RBFOX1: variants seen among roughly 807,000 people sequenced by gnomAD.
RBFOX1 encodes RNA binding fox-1 homolog 1.
Under a neutral mutation model 57.7 loss-of-function variants are expected in RBFOX1, and 8 were observed. The observed-to-expected ratio is 0.14, with a 90% CI of 0.08 to 0.25. RBFOX1 has a LOEUF of 0.25. Ranked by LOEUF, RBFOX1 falls within the 10% of genes least tolerant of loss-of-function variation. The probability of loss-of-function intolerance (pLI) is 1.00; values close to 1 mark genes in which losing one functional copy is unlikely to be tolerated. For synonymous variants in RBFOX1, 326 were observed against 222.4 expected (o/e 1.47, Z -4.15); for missense variants, 611 against 548.5 (o/e 1.11, Z -1.14).
intron 3 of RBFOX1, chr16:7,004,130 T>G (rs1302229145): frequency 2.0e-5 from 3 of 152,094 alleles, no homozygotes; most frequent in Non-Finnish European, 2.9e-5. Context: ...CAGTTTTGTT[T>G]TGTACTTAAT....
chr16:5,752,404 C>T (rs1694969920), intron 3 of RBFOX1, among the ~76,000 whole-genome samples: 1 of 152,182 alleles, frequency 6.6e-6, no homozygotes, highest in South Asian at 2.1e-4. Flanking sequence ...ATATAACAAA[C>T]CTGCACATGT....
chr16:7,307,913 G>C (rs1455880918), intron 4 of RBFOX1, among the ~76,000 whole-genome samples: 4 of 152,304 alleles, frequency 2.6e-5, no homozygotes, highest in African/African-American at 9.6e-5. Context: ...TGTCTTCTTT[G>C]ATGGTGAATC....
At chr16:6,709,713 T>C (rs905668843) in intron 3 of RBFOX1, among the ~76,000 whole-genome samples, 1 of 152,084 alleles carries the variant, frequency 6.6e-6, no homozygotes, top group Non-Finnish European at 1.5e-5. Context: ...TGTTGCGGGT[T>C]TCGGTGGAAC....
At chr16:7,378,778 A>G (rs1040676962) in intron 4 of RBFOX1, among the ~76,000 whole-genome samples, 2 of 152,114 alleles carry the variant, frequency 1.3e-5, no homozygotes, top group African/African-American at 4.8e-5. Flanking sequence ...GAACACGGAC[A>G]CTCTTGGGCA....
chr16:6,635,634 A>G (rs953467399), intron 2 of RBFOX1, among the ~76,000 whole-genome samples: 1 of 152,192 alleles, frequency 6.6e-6, no homozygotes, highest in South Asian at 2.1e-4. Context: ...TCTAGGAAGG[A>G]AGGTGGCATA....
At chr16:7,639,111 G>C (rs578179245) in intron 11 of RBFOX1, among the ~76,000 whole-genome samples, 253 of 152,182 alleles carry the variant, frequency 1.7e-3, no homozygotes, top group Middle Eastern at 3.4e-3. Context: ...ACAGGAATTG[G>C]GTGGTTAGTT....
At chr16:7,709,854 C>T in intron 15 of RBFOX1, 1 of 1,200,440 alleles carries the variant, frequency 8.3e-7, no homozygotes. Context: ...GTAAGACGTG[C>T]CCATCACGTG....
chr16:6,082,347 A>ATTTTTTTTTTTT (rs71142677), intron 1 of RBFOX1, among the ~76,000 whole-genome samples: 3 of 41,038 alleles, frequency 7.3e-5, no homozygotes, highest in Non-Finnish European at 1.4e-4. Flanking sequence ...CACCTGGCTA[A>ATTTTTTTTTTTT]TTTTTTTTTT....
rs1363548303 is a variant in RBFOX1, at chr16:7,580,549, G to A, written c.414+629G>A. On this transcript the variant is annotated intron_variant, in intron 6 of 15. Coordinates refer to ENST00000550418, the MANE Select transcript of RBFOX1 (RefSeq NM_018723.4). ...AAAGGATTCAGAGGTACTTACTGTG[G>A]TGCTATATGCCATGAAGTGTAGCCT... Among the ~76,000 whole-genome samples, 3 of 152,260 alleles carry A rather than the reference G, an allele frequency of 2.0e-5. No individual in the cohort carries two copies. The East Asian group carries it at 5.8e-4, about 29-fold the overall frequency.
chr16:6,600,482 CAG>C (rs780910829), intron 2 of RBFOX1, among the ~76,000 whole-genome samples: 1 of 152,188 alleles, frequency 6.6e-6, no homozygotes, highest in Non-Finnish European at 1.5e-5. Context: ...AACCAGATAG[CAG>C]AGTCTCCAAA....
Position 6,211,878 on chromosome 16 carries a change from C to T in RBFOX1, c.-126-105117C>T, listed in dbSNP as rs1431671197. Reference sequence around the variant, plus strand: ...TTTATTTATTTATTTTTAACAGAGTCTCGCTCTGTCACTCAGGCTGGAGTG... The same window carrying T: ...TTTATTTATTTATTTTTAACAGAGTTTCGCTCTGTCACTCAGGCTGGAGTG... On this transcript the variant is annotated intron_variant, in intron 1 of 15. Coordinates refer to ENST00000550418, the MANE Select transcript of RBFOX1 (RefSeq NM_018723.4). Among the ~76,000 whole-genome samples the T allele has an allele frequency of 3.3e-5, 5 of 149,952 alleles. No individual in the cohort carries two copies. The East Asian group carries it at 9.8e-4, about 29-fold the overall frequency.
intron 1 of RBFOX1, among the ~76,000 whole-genome samples, chr16:6,247,192 CT>C (rs1158006401): frequency 2.0e-5 from 3 of 152,202 alleles, no homozygotes; most frequent in African/African-American, 7.2e-5. Context: ...GAAATTGCAA[CT>C]GTCTTGGAAA....
At chr16:7,014,256 G>C (rs1312909645) in intron 3 of RBFOX1, among the ~76,000 whole-genome samples, 1 of 152,044 alleles carries the variant, frequency 6.6e-6, no homozygotes, top group African/African-American at 2.4e-5. Flanking sequence ...TGTCGCCCAG[G>C]CTGGAGTGTG....
chr16:6,984,816 T>A (rs2089863060), intron 3 of RBFOX1, among the ~76,000 whole-genome samples: 1 of 152,086 alleles, frequency 6.6e-6, no homozygotes, highest in East Asian at 1.9e-4. Context: ...AATTTTTGTA[T>A]TTTTAGCAGA....
rs758731307 is a variant in RBFOX1, at chr16:6,713,475, C to G, written c.-16+58825C>G. ...ATAATGCTGTGCTGTAGGGGTCTGT[C>G]CTGTGCATTGTAGGATGTTGAGGAG... On this transcript the variant is annotated intron_variant, in intron 3 of 15. Coordinates refer to ENST00000550418, the MANE Select transcript of RBFOX1 (RefSeq NM_018723.4). 3.9e-5 allele frequency among the ~76,000 whole-genome samples: 6 copies of G among 152,124 alleles called. No homozygotes were observed. In the East Asian group the frequency reaches 5.8e-4, roughly 15 times the overall value.
chr16:5,768,810 C>T (rs557057049), intron 3 of RBFOX1, among the ~76,000 whole-genome samples: 15 of 152,230 alleles, frequency 9.9e-5, no homozygotes, highest in Admixed American at 7.2e-4. Flanking sequence ...GTCCCCTCCA[C>T]GGAACATGGG....
rs1003500205 is a variant in RBFOX1, at chr16:7,036,360, T to C, written c.-15-15697T>C. Among the ~76,000 whole-genome samples the C allele has an allele frequency of 2.0e-5, 3 of 152,124 alleles. No homozygotes were observed. In the East Asian group the frequency reaches 5.8e-4, roughly 29 times the overall value. Reference sequence around the variant, plus strand: ...ATCTTGGTTTTCTACCGCTGTGTTATAGGAAAGGGGTCCCAATGCAGATCC... The same window carrying C: ...ATCTTGGTTTTCTACCGCTGTGTTACAGGAAAGGGGTCCCAATGCAGATCC... On this transcript the variant is annotated intron_variant, in intron 3 of 15. Transcript: ENST00000550418.
intron 3 of RBFOX1, among the ~76,000 whole-genome samples, chr16:5,849,098 C>T (rs1016046178): frequency 1.3e-5 from 2 of 152,128 alleles, no homozygotes; most frequent in African/African-American, 4.8e-5. Context: ...CCTTGGTCTT[C>T]TAAGAAGTGG....
At chr16:5,412,146 C>T (rs1040844721) in intron 1 of RBFOX1, among the ~76,000 whole-genome samples, 2 of 151,918 alleles carry the variant, frequency 1.3e-5, no homozygotes, top group African/African-American at 2.4e-5. Flanking sequence ...AGAGGTCAAA[C>T]GCCCAGGTTC....
Sources: allele counts gnomAD v4.1 joint callset (sites outside exome capture counted in the v4.1 genomes callset), GRCh38; gene constraint gnomAD v4.1.1; transcripts MANE v1.5; gene names NCBI Gene and HGNC (gene_info 2026-07-23, HGNC 2026-07-21).